The following CSN1S1 variants were observed in gnomAD, a reference collection of about 807,000 sequenced individuals.
CSN1S1 encodes the protein casein alpha s1.
CSN1S1 carries 63 observed loss-of-function variants against 49.1 expected under a neutral mutation model. The observed-to-expected ratio is 1.28, with a 90% confidence interval of 1.05 to 1.58. The LOEUF is 1.58. CSN1S1 is among the 40% of genes most tolerant of loss of function. The pLI is 0.00. For synonymous variants in CSN1S1, 78 were observed against 67.1 expected (o/e 1.16, Z -0.79); for missense variants, 260 against 224.7 (o/e 1.16, Z -1.01).
chr4:69,945,750 A>C (rs1302631562), intron 15 of CSN1S1, among the ~76,000 whole-genome samples: 2 of 151,988 alleles, frequency 1.3e-5, no homozygotes, highest in Non-Finnish European at 2.9e-5. Context: ...CATCCTTAAC[A>C]AGTCACATAG....
chr4:69,938,602 A>G (rs1722879188), intron 9 of CSN1S1, among the ~76,000 whole-genome samples: 1 of 151,770 alleles, frequency 6.6e-6, no homozygotes, highest in African/African-American at 2.4e-5. Flanking sequence ...TATTAAAATT[A>G]ATCTGTTAAA....
intron 4 of CSN1S1, 119 bp downstream of exon 4, chr4:69,934,829 A>G (rs2109714206): frequency 1.2e-6 from 1 of 842,422 alleles, no homozygotes; most frequent in Non-Finnish European, 1.9e-6. Flanking sequence ...AATGCATCCA[A>G]CAACTCAAGT....
intron 13 of CSN1S1, 93 bp downstream of exon 13, chr4:69,942,156 C>A (rs1722990320): frequency 3.9e-6 from 3 of 774,540 alleles, no homozygotes; most frequent in African/African-American, 1.7e-5. Context: ...TAAATATATT[C>A]TGAGAGAGTG....
chr4:69,934,680 T>G lies in CSN1S1; in HGVS notation c.85-10T>G, dbSNP rs762183567. On this transcript the variant is annotated splice_polypyrimidine_tract_variant and intron_variant, in intron 3 of 15. Transcript: ENST00000246891. ...GAATAATACCATTTAAAAATTATTA[T>G]TTTTTACAGAATCCATCAGAGAGCA... The G allele has an allele frequency of 1.4e-5, 22 of 1,605,084 alleles. No homozygotes were observed. The South Asian group carries it at 2.4e-4, about 18-fold the overall frequency.
At chr4:69,945,452 A>T (rs931671972) in intron 15 of CSN1S1, among the ~76,000 whole-genome samples, 2 of 151,970 alleles carry the variant, frequency 1.3e-5, no homozygotes, top group Non-Finnish European at 2.9e-5. Flanking sequence ...CTTTTTGCTT[A>T]CTTGAAATTT....
intron 13 of CSN1S1, 149 bp downstream of exon 13, chr4:69,942,212 G>A (rs980347643): frequency 1.8e-6 from 1 of 556,518 alleles, no homozygotes; most frequent in Admixed American, 3.5e-5. Context: ...AGTCACAAAA[G>A]ACAAAATTTA....
chr4:69,944,713 C>A (rs1723095645), intron 14 of CSN1S1, 137 bp from the exon 15 acceptor site: 4 of 968,194 alleles, frequency 4.1e-6, no homozygotes, highest in Admixed American at 2.4e-5. Flanking sequence ...TTGATTTATT[C>A]TTTTCCCTCA....
In CSN1S1 at chr4:69,942,422, C is replaced by T. The variant is rs1430122032; in HGVS notation, c.361-114C>T. ...TTTTTGCTAACTGTGGCATAGAATA[C>T]AGTCTATTCTAAATTTCATGAATGA... On this transcript the variant is annotated intron_variant, in intron 13 of 15. Transcript: ENST00000246891. 5 of 874,718 alleles carry T rather than the reference C, an allele frequency of 5.7e-6. No homozygotes were observed. In the East Asian group the frequency reaches 1.1e-4, roughly 19 times the overall value. The allele number at this position is 874,718 out of a possible 1,614,324, so 54.2% of individuals were successfully genotyped here. A position where few individuals can be genotyped will look rare whatever the true frequency, so the allele number is the denominator to read the frequency against.
intron 4 of CSN1S1, among the ~76,000 whole-genome samples, chr4:69,935,020 C>G (rs1434431288): frequency 1.3e-5 from 2 of 151,968 alleles, no homozygotes; most frequent in African/African-American, 2.4e-5. Context: ...GTTCTTCTAG[C>G]TAAGAAATCT....
At chr4:69,937,389 T>C (rs2109718345) in intron 8 of CSN1S1, among the ~76,000 whole-genome samples, 1 of 147,504 alleles carries the variant, frequency 6.8e-6, no homozygotes, top group Non-Finnish European at 1.5e-5. Flanking sequence ...GAGCAAAACA[T>C]ACTAGATGGA....
chr4:69,939,100 A>G (rs1415022505), intron 9 of CSN1S1, 76 bp from the exon 10 acceptor site: 42 of 1,062,516 alleles, frequency 4.0e-5, no homozygotes, highest in Admixed American at 1.6e-4. Context: ...GCATTTCACC[A>G]TGATGACATG....
intron 11 of CSN1S1, 49 bp from the exon 12 acceptor site, chr4:69,940,970 T>G (rs1159662329): frequency 2.1e-6 from 2 of 946,470 alleles, no homozygotes; most frequent in Non-Finnish European, 3.3e-6. Context: ...ATGATGGGGT[T>G]GGACTGAATG....
chr4:69,932,706 T>G, intron 2 of CSN1S1, 100 bp downstream of exon 2: 2 of 1,076,904 alleles, frequency 1.9e-6, no homozygotes, highest in South Asian at 2.7e-5. Flanking sequence ...CTTAAAGCAC[T>G]GGATGATCTC....
At chr4:69,934,625 C>T (rs969271538) in intron 3 of CSN1S1, 65 bp from the exon 4 acceptor site, 1 of 1,460,646 alleles carries the variant, frequency 6.8e-7, no homozygotes, top group South Asian at 1.2e-5. Context: ...TCTATGAGCA[C>T]AACTAATCCT....
chr4:69,937,066 A>C, intron 7 of CSN1S1, 55 bp from the exon 8 acceptor site: 2 of 1,436,180 alleles, frequency 1.4e-6, no homozygotes, highest in Non-Finnish European at 1.9e-6. Context: ...TTATGAGATA[A>C]AATATATATC....
intron 15 of CSN1S1, 50 bp from the exon 16 acceptor site, chr4:69,946,146 T>G (rs1483873195): frequency 2.1e-6 from 1 of 476,472 alleles, no homozygotes; most frequent in Non-Finnish European, 3.9e-6. Flanking sequence ...TTTTCTTTTC[T>G]TCAAAAATAT....
intron 4 of CSN1S1, among the ~76,000 whole-genome samples, chr4:69,935,708 C>G (rs1201474668): frequency 1.3e-5 from 2 of 152,076 alleles, no homozygotes; most frequent in Non-Finnish European, 2.9e-5. Flanking sequence ...AAACACTCTG[C>G]TCTCCTTTCC....
chr4:69,932,400 G>T, intron 1 of CSN1S1, 144 bp from the exon 2 acceptor site: 1 of 604,988 alleles, frequency 1.7e-6, no homozygotes. Flanking sequence ...AAAATCTTAA[G>T]TTTATAAAAA....
chr4:69,939,982 C>T lies in CSN1S1; in HGVS notation c.277-39C>T, dbSNP rs116402074. The T allele has an allele frequency of 3.8e-4, 453 of 1,187,470 alleles. 1 individual carries two copies. The African/African-American group carries it at 6.1e-3, about 16-fold the overall frequency. The allele number at this position is 1,187,470 out of a possible 1,614,324, so 73.6% of individuals were successfully genotyped here. A position where few individuals can be genotyped will look rare whatever the true frequency, so the allele number is the denominator to read the frequency against. ...TTTAACTTTAAATGTAAATTAATGT[C>T]GTGAAATTAAAACTATGCATGTTTT... On this transcript the variant is annotated intron_variant, in intron 10 of 15. Transcript: ENST00000246891.
Sources: gnomAD v4.1 joint callset for allele counts (sites outside exome capture counted in the v4.1 genomes callset) on GRCh38, gnomAD v4.1.1 for gene constraint, MANE v1.5 for transcripts, NCBI Gene and HGNC (gene_info 2026-07-23, HGNC 2026-07-21) for gene names.